The following NOS1AP variants were observed in gnomAD, a reference collection of about 807,000 sequenced individuals.
NOS1AP encodes the protein nitric oxide synthase 1 adaptor protein, also known as carboxyl-terminal PDZ ligand of neuronal nitric oxide synthase protein.
In NOS1AP, 21 loss-of-function variants were observed where a neutral mutation model predicts 56.2. The observed-to-expected ratio is 0.37, with a 90% confidence interval of 0.26 to 0.54. NOS1AP has a LOEUF of 0.54. NOS1AP is among the 20% of genes least tolerant of loss of function. The probability of loss-of-function intolerance (pLI) is 0.84; values close to 1 mark genes in which losing one functional copy is unlikely to be tolerated. For synonymous variants in NOS1AP, 270 were observed against 274.6 expected, an observed-to-expected ratio of 0.98 and a Z score of 0.17; for missense variants, 522 against 657.8, an observed-to-expected ratio of 0.79 and a Z score of 2.26.
chr1:162,156,187 T>A (rs1263935430), intron 2 of NOS1AP, among the ~76,000 whole-genome samples: 1 of 152,234 alleles, frequency 6.6e-6, no homozygotes, highest in Non-Finnish European at 1.5e-5. Context: ...ACAACAGTAC[T>A]GTTTTTCATG....
intron 2 of NOS1AP, among the ~76,000 whole-genome samples, chr1:162,212,465 T>C (rs1652383525): frequency 6.6e-6 from 1 of 152,132 alleles, no homozygotes; most frequent in African/African-American, 2.4e-5. Flanking sequence ...CAAATCCACA[T>C]TGACACTCAA....
chr1:162,116,576 C>A (rs187582227), intron 1 of NOS1AP, among the ~76,000 whole-genome samples: 1 of 152,062 alleles, frequency 6.6e-6, no homozygotes, highest in African/African-American at 2.4e-5. Flanking sequence ...ATGATAGATT[C>A]GTAGTATGTT....
intron 4 of NOS1AP, among the ~76,000 whole-genome samples, chr1:162,301,431 C>T (rs1655650007): frequency 6.6e-6 from 1 of 152,214 alleles, no homozygotes; most frequent in African/African-American, 2.4e-5. Flanking sequence ...TTAAACTTCC[C>T]AGACTCCAGG....
At chr1:162,317,639 C>T (rs965980691) in intron 4 of NOS1AP, 2 of 152,178 alleles carry the variant, frequency 1.3e-5, no homozygotes, top group Non-Finnish European at 2.9e-5. Context: ...CCTTCCAGCC[C>T]TCGTATATCT....
chr1:162,081,774 A>ATATATATATATATATTTTTTTTT, intron 1 of NOS1AP, among the ~76,000 whole-genome samples: 3 of 44,058 alleles, frequency 6.8e-5, no homozygotes, highest in South Asian at 1.5e-3. Context: ...ATATATATAT[A>ATATATATATATATATTTTTTTTT]TTTTTTTTTT....
chr1:162,336,446 A>G (rs1173681205), intron 5 of NOS1AP, among the ~76,000 whole-genome samples: 1 of 152,148 alleles, frequency 6.6e-6, no homozygotes, highest in Non-Finnish European at 1.5e-5. Flanking sequence ...GTTTTCCAAG[A>G]CCCATTTGTA....
chr1:162,105,307 C>T (rs952586119), intron 1 of NOS1AP, among the ~76,000 whole-genome samples: 10 of 152,214 alleles, frequency 6.6e-5, no homozygotes, highest in African/African-American at 2.4e-4. Context: ...GGGCATTGAC[C>T]TGTTGCTGTT....
chr1:162,131,297 G>A (rs146396338), intron 1 of NOS1AP, among the ~76,000 whole-genome samples: 10 of 151,680 alleles, frequency 6.6e-5, no homozygotes, highest in African/African-American at 1.9e-4. Flanking sequence ...GCCTCTTTCC[G>A]TGGGAAATCA....
chr1:162,126,053 A>G (rs1471751026), intron 1 of NOS1AP, among the ~76,000 whole-genome samples: 3 of 152,126 alleles, frequency 2.0e-5, no homozygotes, highest in Admixed American at 2.0e-4. Context: ...TGTAAAAGGA[A>G]TTGAGTTCTT....
chr1:162,103,298 CTG>C (rs1027688586), intron 1 of NOS1AP, among the ~76,000 whole-genome samples: 4 of 151,116 alleles, frequency 2.6e-5, no homozygotes, highest in African/African-American at 9.7e-5. Context: ...GTATGAGAGA[CTG>C]TTATTATTTC....
chr1:162,297,395 G>C (rs1353630436), intron 3 of NOS1AP, among the ~76,000 whole-genome samples: 1 of 152,248 alleles, frequency 6.6e-6, no homozygotes, highest in Non-Finnish European at 1.5e-5. Context: ...GCCACTTCCT[G>C]AGTATGCTGA....
intron 4 of NOS1AP, among the ~76,000 whole-genome samples, chr1:162,314,121 C>A (rs2819327): frequency 2.2e-4 from 34 of 152,142 alleles, no homozygotes; most frequent in Non-Finnish European, 4.7e-4. Context: ...CTGATTTATC[C>A]TTTTGGTGGC....
intron 1 of NOS1AP, among the ~76,000 whole-genome samples, chr1:162,146,389 A>T (rs1016674816): frequency 3.9e-5 from 6 of 152,130 alleles, no homozygotes; most frequent in Admixed American, 1.3e-4. Flanking sequence ...GCACATGCAC[A>T]GTTGGGGTCC....
chr1:162,300,217 C>T (rs1270709332), intron 3 of NOS1AP, among the ~76,000 whole-genome samples: 1 of 152,182 alleles, frequency 6.6e-6, no homozygotes, highest in African/African-American at 2.4e-5. Flanking sequence ...TGAATCCACT[C>T]TCCTCCAACT....
At chr1:162,121,812 C>T (rs1322344071) in intron 1 of NOS1AP, among the ~76,000 whole-genome samples, 1 of 152,204 alleles carries the variant, frequency 6.6e-6, no homozygotes, top group Non-Finnish European at 1.5e-5. Context: ...GTAGAACCCT[C>T]ACCTCTTTGG....
At chr1:162,204,241 C>T (rs1652090632) in intron 2 of NOS1AP, among the ~76,000 whole-genome samples, 1 of 152,224 alleles carries the variant, frequency 6.6e-6, no homozygotes. Flanking sequence ...TACATTACAG[C>T]TGGGCTTCTT....
chr1:162,359,319 A>C (rs1432840868), intron 8 of NOS1AP, among the ~76,000 whole-genome samples: 1 of 152,182 alleles, frequency 6.6e-6, no homozygotes, highest in Non-Finnish European at 1.5e-5. Flanking sequence ...AGGCTTCCAA[A>C]ATCATCAGAT....
intron 1 of NOS1AP, among the ~76,000 whole-genome samples, chr1:162,087,798 A>G (rs1296520777): frequency 6.6e-6 from 1 of 152,196 alleles, no homozygotes; most frequent in Non-Finnish European, 1.5e-5. Flanking sequence ...ACAGCATTCC[A>G]CATGCTCCTG....
At chr1:162,087,371 GCCACCT>G (rs1280109522) in intron 1 of NOS1AP, among the ~76,000 whole-genome samples, 2 of 152,102 alleles carry the variant, frequency 1.3e-5, no homozygotes, top group African/African-American at 4.8e-5. Context: ...GAGGGAGGCA[GCCACCT>G]CCCCATTCTC....
Sources: gnomAD v4.1 joint callset for allele counts (sites outside exome capture counted in the v4.1 genomes callset) on GRCh38, gnomAD v4.1.1 for gene constraint, MANE v1.5 for transcripts, NCBI Gene and HGNC (gene_info 2026-07-23, HGNC 2026-07-21) for gene names.